The following VPS13C variants were observed in gnomAD, a reference collection of about 807,000 sequenced individuals.
The protein encoded by VPS13C is intermembrane lipid transfer protein VPS13C.
Under a neutral mutation model 456.8 loss-of-function variants are expected in VPS13C, and 358 were observed. The observed-to-expected ratio is 0.78, with a 90% confidence interval of 0.72 to 0.86. VPS13C has a LOEUF of 0.86. VPS13C is among the 40% of genes least tolerant of loss of function. The pLI is 0.00. For missense variants in VPS13C, 4,818 were observed against 4,385.4 expected (o/e 1.10, Z -2.79); for synonymous variants, 1,578 against 1,486.7 (o/e 1.06, Z -1.41).
intron 1 of VPS13C, among the ~76,000 whole-genome samples, chr15:62,055,318 C>T (rs1485445066): frequency 6.6e-6 from 1 of 152,066 alleles, no homozygotes. Flanking sequence ...ACCTCTGCCG[C>T]CCAGGTTCAC....
chr15:61,924,414 C>T (rs926250337), intron 53 of VPS13C, among the ~76,000 whole-genome samples: 1 of 152,208 alleles, frequency 6.6e-6, no homozygotes, highest in African/African-American at 2.4e-5. Flanking sequence ...TTCTTTCTTT[C>T]TCCCGCATAT....
chr15:61,918,383 T>C (rs1596329734), intron 58 of VPS13C, 126 bp from the exon 59 acceptor site: 2 of 901,096 alleles, frequency 2.2e-6, no homozygotes, highest in Non-Finnish European at 3.2e-6. Context: ...ATATTTTTAT[T>C]GGCAATTGAA....
chr15:61,990,703 C>T (rs1456255652), intron 18 of VPS13C, among the ~76,000 whole-genome samples: 1 of 152,008 alleles, frequency 6.6e-6, no homozygotes, highest in African/African-American at 2.4e-5. Flanking sequence ...CCCAGCTACT[C>T]AGGAGGCTGA....
intron 39 of VPS13C, among the ~76,000 whole-genome samples, chr15:61,951,553 A>C (rs2044792463): frequency 6.6e-6 from 1 of 152,168 alleles, no homozygotes; most frequent in South Asian, 2.1e-4. Flanking sequence ...CATTTTTCAC[A>C]AATACATATT....
At chr15:61,972,268 T>C (rs921381944) in intron 27 of VPS13C, among the ~76,000 whole-genome samples, 1 of 152,196 alleles carries the variant, frequency 6.6e-6, no homozygotes, top group African/African-American at 2.4e-5. Flanking sequence ...AACATGATAA[T>C]GAGCAATATT....
intron 69 of VPS13C, among the ~76,000 whole-genome samples, chr15:61,882,344 G>C (rs1020260313): frequency 6.6e-6 from 1 of 151,992 alleles, no homozygotes; most frequent in African/African-American, 2.4e-5. Context: ...CAAATTCAAA[G>C]GAACATTTAA....
rs185124906 is a variant in VPS13C at position 61,877,723 on chromosome 15, C to A, written c.10143-669G>T. 3.3e-5 allele frequency among the ~76,000 whole-genome samples: 5 copies of A among 151,976 alleles called. No homozygotes were observed. In the East Asian group the frequency reaches 9.7e-4, roughly 29 times the overall value. On this transcript the variant is annotated intron_variant, in intron 74 of 84. Coordinates refer to ENST00000644861, the MANE Select transcript of VPS13C (RefSeq NM_020821.3). ...TTTAAAAAGTACCTATTTCTTAGAA[C>A]CACCCCTGACTAGTATTAAATAGGA...
Position 61,871,998 on chromosome 15 carries a change from G to T in VPS13C, c.10615C>A (p.Pro3539Thr). The change falls in exon 79 of 85, where the codon CCT becomes ACT. Residue 3539 changes from proline to threonine, a missense_variant. Physicochemically the swap from Pro to Thr is conservative, Grantham distance 38 (BLOSUM62 -1). This residue lies in a region of VPS13C where 4,552 missense variants were observed against 4,130.6 expected (regional missense o/e 1.10). Coordinates refer to ENST00000644861, the MANE Select transcript of VPS13C (RefSeq NM_020821.3). ...AATATTTTCAACATACCTTCCACAGGTTTTGTTATTATTCCAGTCACTCCA... is the reference window on the plus strand; with the variant it reads ...AATATTTTCAACATACCTTCCACAGTTTTTGTTATTATTCCAGTCACTCCA... ...VGGVTGIITK[P>T]VEGAKKEGAA... is the part of the protein sequence containing the mutation. 6.2e-7 allele frequency: 1 copy of T among 1,612,052 alleles called. No individual in the cohort carries two copies. Among genetic ancestry groups the T allele is most frequent in the Non-Finnish European group, 8.5e-7 (1 of 1,178,958 alleles).
intron 66 of VPS13C, among the ~76,000 whole-genome samples, chr15:61,897,177 C>A (rs2042849241): frequency 6.6e-6 from 1 of 152,212 alleles, no homozygotes; most frequent in South Asian, 2.1e-4. Flanking sequence ...AAACTGGAAA[C>A]TCTAAAGAGC....
At chr15:61,962,623 A>G in intron 33 of VPS13C, 85 bp from the exon 34 acceptor site, 1 of 1,391,042 alleles carries the variant, frequency 7.2e-7, no homozygotes, top group Non-Finnish European at 9.5e-7. Context: ...TACATTTATA[A>G]TCTTTATAAA....
At chr15:61,908,970 C>A (rs201729560) in intron 65 of VPS13C, 22 bp downstream of exon 65, 2 of 1,609,916 alleles carry the variant, frequency 1.2e-6, no homozygotes, top group Non-Finnish European at 1.7e-6. Flanking sequence ...AAGTATTTCC[C>A]ATTAACCCTT....
Position 61,974,269 on chromosome 15 carries a change from T to G in VPS13C, c.2538+19A>C. On this transcript the variant is annotated intron_variant, in intron 25 of 84. Transcript: ENST00000644861. ...AAAACAATAAAAATAGGGTTATACA[T>G]TTTATTGTATCTATTTACCTGTCTC... 1 of 1,605,176 alleles carries G rather than the reference T, an allele frequency of 6.2e-7. No individual in the cohort carries two copies. Among genetic ancestry groups the G allele is most frequent in the Non-Finnish European group, 8.5e-7 (1 of 1,175,600 alleles).
At chr15:61,886,626 G>T (rs571291530) in intron 67 of VPS13C, among the ~76,000 whole-genome samples, 1 of 152,174 alleles carries the variant, frequency 6.6e-6, no homozygotes, top group East Asian at 1.9e-4. Context: ...TTATTTATGG[G>T]AAACAAACTG....
In VPS13C at chr15:61,863,524, T is replaced by A; in HGVS notation, c.10868A>T (p.His3623Leu). 6.2e-7 allele frequency: 1 copy of A among 1,612,286 alleles called. No individual in the cohort carries two copies. Among genetic ancestry groups the A allele is most frequent in the South Asian group, 1.1e-5 (1 of 90,960 alleles). Residue 3623 changes from histidine to leucine, a missense_variant, in exon 82 of 85, where the codon CAT becomes CTT. His to Leu is a moderately conservative substitution (Grantham distance 99). This residue lies in a region of VPS13C where 261 missense variants were observed against 234.1 expected (regional missense o/e 1.11). Coordinates refer to ENST00000644861, the MANE Select transcript of VPS13C (RefSeq NM_020821.3). ...AGTCTCTCCTTCCAACTTTTTGATA[T>A]GATTCTGAAAAGGAAACCAGGCTCT... ...ESEGSDLLEN[H>L]IKKLEGETYR...
intron 16 of VPS13C, among the ~76,000 whole-genome samples, chr15:61,994,528 T>C (rs2046318877): frequency 6.6e-6 from 1 of 152,088 alleles, no homozygotes; most frequent in Non-Finnish European, 1.5e-5. Context: ...TACAATTAAA[T>C]ATAGCCAGTG....
intron 74 of VPS13C, among the ~76,000 whole-genome samples, chr15:61,878,329 TTATAA>T (rs949409839): frequency 1.3e-5 from 2 of 151,896 alleles, no homozygotes; most frequent in South Asian, 2.1e-4. Flanking sequence ...TATGGTTAAT[TTATAA>T]TATATGACTA....
intron 9 of VPS13C, 61 bp downstream of exon 9, chr15:62,020,418 C>A: frequency 7.0e-7 from 1 of 1,423,976 alleles, no homozygotes; most frequent in Admixed American, 2.2e-5. Context: ...ACAATTTACC[C>A]TGTGACTTCA....
intron 67 of VPS13C, among the ~76,000 whole-genome samples, chr15:61,885,308 G>C (rs1354798559): frequency 6.6e-6 from 1 of 152,074 alleles, no homozygotes; most frequent in African/African-American, 2.4e-5. Flanking sequence ...CTGCAATTAT[G>C]CAACAAAAAC....
rs60910951 is a variant in VPS13C, at chr15:61,914,878, TAAAAA to T, written c.8445+750_8445+754del. Among the ~76,000 whole-genome samples the T allele has an allele frequency of 2.4e-4, 25 of 102,052 alleles. 1 individual carries two copies. The highest frequency in any genetic ancestry group is 1.7e-3 in the South Asian group (5 of 3,012). 67.0% of individuals were successfully genotyped at this position (102,052 alleles called of 152,430 possible). A position where few individuals can be genotyped will look rare whatever the true frequency, so the allele number is the denominator to read the frequency against. The stretch of plus-strand genomic sequence containing the variant: ...ACCGAGCCTGGCCAAAACTCTGCCT[TAAAAA>T]AAAAAAAAAAAAAAAAAAAAAAAAA... On this transcript the variant is annotated intron_variant, in intron 61 of 84. Transcript: ENST00000644861.
Sources: gnomAD v4.1 joint callset for allele counts (sites outside exome capture counted in the v4.1 genomes callset) on GRCh38, gnomAD v4.1.1 for gene constraint, gnomAD v4.1.1 regional missense constraint, MANE v1.5 for transcripts, NCBI Gene and HGNC (gene_info 2026-07-23, HGNC 2026-07-21) for gene names.